DSCAML1: variants seen among roughly 807,000 people sequenced by gnomAD.
The protein encoded by DSCAML1 is cell adhesion molecule DSCAML1.
A neutral mutation model predicts 200.5 loss-of-function variants in DSCAML1; 38 were observed. That is an observed-to-expected ratio of 0.19 (90% confidence interval 0.15 to 0.25). The LOEUF is 0.25. Ranked by LOEUF, DSCAML1 falls within the 10% of genes least tolerant of loss-of-function variation. The pLI is 1.00. For synonymous variants in DSCAML1, 1,215 were observed against 1,165.0 expected, an observed-to-expected ratio of 1.04 and a Z score of -0.87; for missense variants, 2,223 against 2,858.8, an observed-to-expected ratio of 0.78 and a Z score of 5.07.
chr11:117,577,388 C>T (rs1236400592), intron 3 of DSCAML1, among the ~76,000 whole-genome samples: 1 of 68,992 alleles, frequency 1.4e-5, no homozygotes, highest in East Asian at 3.3e-4. Flanking sequence ...TTCCTTCCTT[C>T]CTCCCTCCCT....
intron 3 of DSCAML1, among the ~76,000 whole-genome samples, chr11:117,665,600 A>G (rs1221502610): frequency 6.6e-6 from 1 of 152,184 alleles, no homozygotes; most frequent in East Asian, 1.9e-4. Flanking sequence ...TGGAAAATCT[A>G]TCTCTGCAGC....
chr11:117,569,109 A>G (rs1363902334), intron 3 of DSCAML1, among the ~76,000 whole-genome samples: 1 of 152,236 alleles, frequency 6.6e-6, no homozygotes, highest in East Asian at 1.9e-4. Context: ...GAGAAAAATA[A>G]GCAATGGGGA....
chr11:117,487,790 A>AG (rs1250916837), intron 11 of DSCAML1, among the ~76,000 whole-genome samples: 1 of 152,160 alleles, frequency 6.6e-6, no homozygotes, highest in Non-Finnish European at 1.5e-5. Context: ...AGACACTGCA[A>AG]GGGGGGAAGG....
chr11:117,447,239 G>A (rs941106558), intron 20 of DSCAML1, among the ~76,000 whole-genome samples: 2 of 152,202 alleles, frequency 1.3e-5, no homozygotes, highest in Non-Finnish European at 2.9e-5. Context: ...AGCGAGCTGA[G>A]ATGGTGCCAC....
chr11:117,644,959 C>T (rs984682446), intron 3 of DSCAML1, among the ~76,000 whole-genome samples: 1 of 152,242 alleles, frequency 6.6e-6, no homozygotes, highest in African/African-American at 2.4e-5. Flanking sequence ...TGTCCCAGAC[C>T]CCGCAGGCCG....
intron 3 of DSCAML1, among the ~76,000 whole-genome samples, chr11:117,625,758 C>T (rs1257899773): frequency 6.6e-6 from 1 of 152,210 alleles, no homozygotes; most frequent in African/African-American, 2.4e-5. Context: ...ACTAACAATG[C>T]CTGTGGGTGC....
intron 3 of DSCAML1, among the ~76,000 whole-genome samples, chr11:117,571,628 TGCAGATGAAG>T (rs1439572362): frequency 6.6e-6 from 1 of 152,172 alleles, no homozygotes; most frequent in Non-Finnish European, 1.5e-5. Flanking sequence ...GAAGAGTGGA[TGCAGATGAAG>T]GCCCTGGGTC....
At position 117,493,521 on chromosome 11, in the gene DSCAML1, G is replaced by A. The variant is rs544774132; in HGVS notation, c.2359+10324C>T. 2.6e-5 allele frequency among the ~76,000 whole-genome samples: 4 copies of A among 151,474 alleles called. No individual in the cohort carries two copies. In the East Asian group the frequency reaches 7.8e-4, roughly 29 times the overall value. On this transcript the variant is annotated intron_variant, in intron 11 of 32. Transcript: ENST00000651296. ...AGTAGAGATGGGGTTTCACCATGTT[G>A]GCCAGGGTGGTCTCCATCTCCTGAC...
chr11:117,488,528 TGC>T (rs2049121719), intron 11 of DSCAML1, among the ~76,000 whole-genome samples: 3 of 148,430 alleles, frequency 2.0e-5, no homozygotes, highest in Non-Finnish European at 4.4e-5. Context: ...AATCCTGACA[TGC>T]ACAGACACAG....
At position 117,777,336 on chromosome 11, in the gene DSCAML1, C is replaced by T. The variant is rs1039791208; in HGVS notation, c.365-399G>A. On this transcript the variant is annotated intron_variant, in intron 2 of 32. Transcript: ENST00000651296. ...GATGTGCAGGTAATAAGGAAATATG[C>T]TAGAATTCCCCTAAGAAAACCAAAC... Among the ~76,000 whole-genome samples, 5 of 152,188 alleles carry T rather than the reference C, an allele frequency of 3.3e-5. No individual in the cohort carries two copies. In the East Asian group the frequency reaches 9.6e-4, roughly 29 times the overall value.
chr11:117,530,942 C>T (rs11826885), intron 4 of DSCAML1, among the ~76,000 whole-genome samples: 14,172 of 152,190 alleles, frequency 0.093, 840 homozygotes, highest in South Asian at 0.19. Context: ...ACTCGCAACC[C>T]GCAAACTTTT....
intron 3 of DSCAML1, among the ~76,000 whole-genome samples, chr11:117,554,483 G>A (rs937338078): frequency 6.6e-6 from 1 of 152,020 alleles, no homozygotes; most frequent in Non-Finnish European, 1.5e-5. Context: ...TGGGTTCAAG[G>A]GATTCTCCTG....
chr11:117,495,959 C>A (rs1005914794), intron 11 of DSCAML1, among the ~76,000 whole-genome samples: 1 of 152,210 alleles, frequency 6.6e-6, no homozygotes, highest in African/African-American at 2.4e-5. Flanking sequence ...CAGCAGCCTC[C>A]GTCTGGTCAG....
chr11:117,806,688 G>A (rs575307601), intron 1 of DSCAML1, among the ~76,000 whole-genome samples: 15 of 152,280 alleles, frequency 9.9e-5, no homozygotes, highest in African/African-American at 3.4e-4. Context: ...TCCAATTCAC[G>A]CAGCGTCAGA....
intron 3 of DSCAML1, among the ~76,000 whole-genome samples, chr11:117,570,928 C>A (rs995431575): frequency 1.3e-5 from 2 of 152,258 alleles, no homozygotes; most frequent in African/African-American, 4.8e-5. Flanking sequence ...CAGCTCTCTG[C>A]CAGCCTGGCC....
chr11:117,589,238 C>T (rs943809269), intron 3 of DSCAML1, among the ~76,000 whole-genome samples: 3 of 152,186 alleles, frequency 2.0e-5, no homozygotes, highest in African/African-American at 4.8e-5. Context: ...GGGCTCCTGC[C>T]GACTCTGCAG....
intron 3 of DSCAML1, among the ~76,000 whole-genome samples, chr11:117,695,452 G>A (rs73596608): frequency 0.071 from 10,746 of 151,928 alleles, 403 homozygotes; most frequent in East Asian, 0.14. Context: ...TGTTCCGGGG[G>A]TGGTTAGAAT....
At position 117,780,817 on chromosome 11, in the gene DSCAML1, G is replaced by A; in HGVS notation, c.47-7C>T. The A allele has an allele frequency of 4.2e-6, 6 of 1,429,586 alleles. No homozygotes were observed. The highest frequency in any genetic ancestry group is 1.5e-5 in the South Asian group (1 of 66,470). The allele number at this position is 1,429,586 out of a possible 1,614,324, so 88.6% of individuals were successfully genotyped here. A position where few individuals can be genotyped will look rare whatever the true frequency, so the allele number is the denominator to read the frequency against. ...CCAACATCTTCAGGGCGGGCTGCAG[G>A]AGAGGCAAGGGGAGAGACTTGGTTA... On this transcript the variant is annotated splice_polypyrimidine_tract_variant and splice_region_variant and intron_variant, in intron 1 of 32. Transcript: ENST00000651296. This position sits in a 1 kb window ranked among gnomAD's most constrained non-coding sequence, Gnocchi z 4.8.
At chr11:117,749,943 C>T (rs752286213) in intron 3 of DSCAML1, among the ~76,000 whole-genome samples, 1 of 152,212 alleles carries the variant, frequency 6.6e-6, no homozygotes, top group Non-Finnish European at 1.5e-5. Context: ...AAGCAGGGAA[C>T]ATGGAAACGT....
Sources: allele counts gnomAD v4.1 joint callset (sites outside exome capture counted in the v4.1 genomes callset), GRCh38; gene constraint gnomAD v4.1.1; non-coding constraint Gnocchi (gnomAD v3.1); transcripts MANE v1.5; gene names NCBI Gene and HGNC (gene_info 2026-07-23, HGNC 2026-07-21).